The following CKMT1B variants were observed in gnomAD, a reference collection of about 807,000 sequenced individuals.
The protein encoded by CKMT1B is creatine kinase U-type, mitochondrial.
Under a neutral mutation model 21.8 loss-of-function variants are expected in CKMT1B, and 13 were observed. The observed-to-expected ratio is 0.60, with a 90% CI of 0.39 to 0.95. CKMT1B has a LOEUF of 0.95. Ranked by LOEUF, CKMT1B falls within the 40% of genes least tolerant of loss-of-function variation. CKMT1B has a pLI of 0.00. For missense variants in CKMT1B, 157 were observed against 227.5 expected, an observed-to-expected ratio of 0.69 and a Z score of 1.99; for synonymous variants, 50 against 80.3, an observed-to-expected ratio of 0.62 and a Z score of 2.02.
chr15:43,598,178 C>G lies in CKMT1B; in HGVS notation c.877-15C>G. The G allele has an allele frequency of 1.2e-6, 2 of 1,608,806 alleles. No individual in the cohort carries two copies. The highest frequency in any genetic ancestry group is 1.1e-5 in the South Asian group (1 of 90,922). ...TATCCCTGATTTTTCGTTAACAAAA[C>G]CTTTGTGGACTCAGGTGGAGAGACT... On this transcript the variant is annotated splice_polypyrimidine_tract_variant and intron_variant, in intron 6 of 8. Transcript: ENST00000441322.
At chr15:43,596,885 T>C (rs539473811) in intron 6 of CKMT1B, among the ~76,000 whole-genome samples, 4 of 148,688 alleles carry the variant, frequency 2.7e-5, no homozygotes, top group East Asian at 4.1e-4. Flanking sequence ...CGAGCTTAGA[T>C]TGATGTTGGC....
chr15:43,599,065 T>C, intron 8 of CKMT1B, 92 bp from the exon 9 acceptor site: 2 of 1,577,518 alleles, frequency 1.3e-6, no homozygotes, highest in Non-Finnish European at 1.7e-6. Flanking sequence ...TCAGGTTGAG[T>C]GGGGAGGCAA....
At chr15:43,599,120 G>A (rs764611675) in intron 8 of CKMT1B, 37 bp from the exon 9 acceptor site, 1 of 1,611,990 alleles carries the variant, frequency 6.2e-7, no homozygotes, top group Admixed American at 1.7e-5. Flanking sequence ...GAAAAACTCA[G>A]ACTGTAGGAA....
chr15:43,597,533 C>A, intron 6 of CKMT1B: 6 of 1,182,338 alleles, frequency 5.1e-6, no homozygotes, highest in Non-Finnish European at 5.4e-6. Context: ...TCCTTCTGAA[C>A]TATAAAGAGG....
rs1394753775 is a variant in CKMT1B at position 43,597,969 on chromosome 15, T to C, written c.877-224T>C. ...TCGAGTTTTCTTCTTCCACATAAGA[T>C]ATTTTTTCACAATCTCATTATTATG... On this transcript the variant is annotated intron_variant, in intron 6 of 8. Transcript: ENST00000441322. 2.2e-6 allele frequency: 3 copies of C among 1,389,008 alleles called. No individual in the cohort carries two copies. The African/African-American group carries it at 4.6e-5, about 21-fold the overall frequency. The allele number at this position is 1,389,008 out of a possible 1,614,324, so 86.0% of individuals were successfully genotyped here. A position where few individuals can be genotyped will look rare whatever the true frequency, so the allele number is the denominator to read the frequency against.
At chr15:43,596,873 T>C (rs1413391781) in intron 6 of CKMT1B, among the ~76,000 whole-genome samples, 3 of 148,752 alleles carry the variant, frequency 2.0e-5, no homozygotes, top group East Asian at 4.1e-4. Context: ...AAGGAAAACA[T>C]TCGAGCTTAG....
chr15:43,598,984 G>C, intron 8 of CKMT1B, 32 bp downstream of exon 8: 2 of 1,610,348 alleles, frequency 1.2e-6, no homozygotes, highest in Non-Finnish European at 1.7e-6. Flanking sequence ...ACAAGGAGAG[G>C]TATAGGTCTG....
chr15:43,599,144 T>C lies in CKMT1B; in HGVS notation c.1138-13T>C. ...AGACTGTAGGAAGCAGATCAAAGATTAGTGTCCCTTAGGTGGAGCTGGTGC... is the reference window on the plus strand; with the variant it reads ...AGACTGTAGGAAGCAGATCAAAGATCAGTGTCCCTTAGGTGGAGCTGGTGC... On this transcript the variant is annotated splice_polypyrimidine_tract_variant and intron_variant, in intron 8 of 8. Transcript: ENST00000441322. 6.2e-7 allele frequency: 1 copy of C among 1,613,590 alleles called. No individual in the cohort carries two copies. Among genetic ancestry groups the C allele is most frequent in the Non-Finnish European group, 8.5e-7 (1 of 1,179,774 alleles).
chr15:43,597,557 T>A, intron 6 of CKMT1B: 1 of 1,104,266 alleles, frequency 9.1e-7, no homozygotes, highest in Non-Finnish European at 1.2e-6. Context: ...CCTTTACTCA[T>A]GTTGGGTTGT....
At chr15:43,598,391 G>C in intron 7 of CKMT1B, 64 bp downstream of exon 7, 1 of 1,597,388 alleles carries the variant, frequency 6.3e-7, no homozygotes, top group East Asian at 2.3e-5. Context: ...GATGGGGAGG[G>C]AGTGGACCCT....
chr15:43,596,605 G>A (rs555262009), intron 6 of CKMT1B, 74 bp downstream of exon 6: 3 of 1,601,800 alleles, frequency 1.9e-6, no homozygotes, highest in South Asian at 2.2e-5. Flanking sequence ...AATAGATTAT[G>A]TAATTTACCA....
chr15:43,597,227 C>T (rs1272779574), intron 6 of CKMT1B: 5 of 294,526 alleles, frequency 1.7e-5, no homozygotes, highest in Admixed American at 1.4e-4. Flanking sequence ...AAAAAGAGCT[C>T]CTCTTTTAGA....
chr15:43,598,168 G>T lies in CKMT1B; in HGVS notation c.877-25G>T, dbSNP rs114182260. The T allele has an allele frequency of 1.9e-6, 3 of 1,608,254 alleles. No individual in the cohort carries two copies. The Admixed American group carries it at 5.0e-5, about 27-fold the overall frequency. ...GTTAATGAAATATCCCTGATTTTTC[G>T]TTAACAAAACCTTTGTGGACTCAGG... is the stretch of plus-strand genomic sequence containing the variant. On this transcript the variant is annotated intron_variant, in intron 6 of 8. Transcript: ENST00000441322.
chr15:43,597,461 T>C (rs1372017911), intron 6 of CKMT1B: 1 of 1,235,950 alleles, frequency 8.1e-7, no homozygotes, highest in East Asian at 6.0e-5. Flanking sequence ...AGCTGCAATA[T>C]TATTCTGGAT....
rs773369560 is a variant in CKMT1B at position 43,598,301 on chromosome 15, C to T, written c.985C>T (p.His329Tyr). 6.2e-7 allele frequency: 1 copy of T among 1,606,510 alleles called. No homozygotes were observed. The highest frequency in any genetic ancestry group is 2.3e-5 in the East Asian group (1 of 43,474). ...NLGTGLRAGV[H>Y]IKLPLLSKDS... The stretch of plus-strand genomic sequence containing the variant: ...GGGCACTGGACTTCGGGCAGGAGTG[C>T]ACATCAAACTGCCCCTGCTAAGCAA... Residue 329 changes from histidine (H) to tyrosine (Y), a missense_variant, in exon 7 of 9, where the codon CAC (histidine) becomes TAC (tyrosine). His to Tyr is a moderately conservative substitution (Grantham distance 83). Coordinates refer to ENST00000441322, the MANE Select transcript of CKMT1B (RefSeq NM_001375484.1).
chr15:43,599,399 A>G lies in CKMT1B; in HGVS notation c.*126A>G, dbSNP rs1267322805. 2 of 1,443,306 alleles carry G rather than the reference A, an allele frequency of 1.4e-6. No homozygotes were observed. The highest frequency in any genetic ancestry group is 2.3e-5 in the East Asian group (1 of 43,866). 89.4% of individuals were successfully genotyped at this position (1,443,306 alleles called of 1,614,324 possible). ...TCCATCCTAGTAAAGACTCCTTGCT[A>G]TGCTGCAGCTGTCTGTGTTACTTCT... On this transcript the variant is annotated 3_prime_UTR_variant, in exon 9 of 9. Transcript: ENST00000441322.
In CKMT1B at chr15:43,598,770, G is replaced by A. The variant is rs1464725597; in HGVS notation, c.1012-57G>A. On this transcript the variant is annotated intron_variant, in intron 7 of 8. Transcript: ENST00000441322. ...TCTGAGCAGGTTCAGGGCTCTTTCA[G>A]GTAGGACTAGTCTCTGCCTCTATTG... is the stretch of plus-strand genomic sequence containing the variant. 4 of 1,536,564 alleles carry A rather than the reference G, an allele frequency of 2.6e-6. No homozygotes were observed. The African/African-American group carries it at 5.8e-5, about 22-fold the overall frequency.
At chr15:43,596,355 T>A in intron 5 of CKMT1B, 53 bp from the exon 6 acceptor site, 2 of 1,421,450 alleles carry the variant, frequency 1.4e-6, no homozygotes, top group Non-Finnish European at 1.9e-6. Context: ...TTTCCCTCTA[T>A]CTCTCCCAAT....
intron 7 of CKMT1B, 99 bp from the exon 8 acceptor site, chr15:43,598,728 A>C (rs1567114509): frequency 6.9e-7 from 1 of 1,443,130 alleles, no homozygotes; most frequent in Non-Finnish European, 9.2e-7. Context: ...GGAAAAAAAA[A>C]GTTCAGGAGA....
Sources: gnomAD v4.1 joint callset for allele counts (sites outside exome capture counted in the v4.1 genomes callset) on GRCh38, gnomAD v4.1.1 for gene constraint, MANE v1.5 for transcripts, NCBI Gene and HGNC (gene_info 2026-07-23, HGNC 2026-07-21) for gene names.